Variants in GPD2 observed in about 807,000 individuals in gnomAD.
GPD2 encodes glycerol-3-phosphate dehydrogenase, mitochondrial.
Under a neutral mutation model 82.4 loss-of-function variants are expected in GPD2, and 54 were observed. That is an observed-to-expected ratio of 0.66 (90% CI 0.53 to 0.82). The LOEUF (loss-of-function observed/expected upper bound fraction) is 0.82. GPD2 is among the 40% of genes least tolerant of loss of function. The probability of loss-of-function intolerance (pLI) is 0.00; values close to 1 mark genes in which losing one functional copy is unlikely to be tolerated. For synonymous variants in GPD2, 288 were observed against 306.1 expected, an observed-to-expected ratio of 0.94 and a Z score of 0.62; for missense variants, 748 against 896.2, an observed-to-expected ratio of 0.83 and a Z score of 2.11.
chr2:156,427,951 A>G, the GPD2 span, among the ~76,000 whole-genome samples: 56 of 152,260 alleles, frequency 3.7e-4, no homozygotes, highest in African/African-American at 1.3e-3. Context: ...TCTGTCTTCT[A>G]TTCTGCTGTG....
intron 1 of GPD2, among the ~76,000 whole-genome samples, chr2:156,467,111 T>TC (rs1313558938): frequency 2.0e-5 from 3 of 152,126 alleles, no homozygotes; most frequent in Non-Finnish European, 4.4e-5. Context: ...TTTTTTTTTT[T>TC]CTCATTCTTC....
At chr2:156,417,154 GA>G in the GPD2 span, among the ~76,000 whole-genome samples, 3 of 152,076 alleles carry the variant, frequency 2.0e-5, no homozygotes, top group Non-Finnish European at 4.4e-5. Context: ...TTTAGTTCAG[GA>G]TTAAGGATTA....
the GPD2 span, among the ~76,000 whole-genome samples, chr2:156,411,560 C>T: frequency 6.6e-6 from 1 of 152,254 alleles, no homozygotes; most frequent in East Asian, 1.9e-4. Flanking sequence ...ATGTGATCCA[C>T]CCGCCTCAGC....
At chr2:156,463,646 G>T (rs565962061) in intron 1 of GPD2, among the ~76,000 whole-genome samples, 105 of 152,314 alleles carry the variant, frequency 6.9e-4, no homozygotes, top group African/African-American at 2.4e-3. Context: ...GAGCAAGTTA[G>T]TGGAAGAGAC....
the GPD2 span, among the ~76,000 whole-genome samples, chr2:156,423,647 T>C: frequency 6.6e-6 from 1 of 152,240 alleles, no homozygotes; most frequent in African/African-American, 2.4e-5. Context: ...TATTTATCTT[T>C]GTATTTTTAG....
At chr2:156,421,605 A>G in the GPD2 span, among the ~76,000 whole-genome samples, 1 of 152,186 alleles carries the variant, frequency 6.6e-6, no homozygotes, top group African/African-American at 2.4e-5. Context: ...TCAATCTTTT[A>G]TCTTAGATTA....
chr2:156,460,645 T>A lies in GPD2; in HGVS notation c.-8-15453T>A, dbSNP rs553745349. On this transcript the variant is annotated intron_variant, in intron 1 of 16. Coordinates refer to ENST00000438166, the MANE Select transcript of GPD2 (RefSeq NM_000408.5). ...CAAAATCAGTGCAAATTATAATGAG[T>A]TGTGGGGTGAGAAAAGTCACCTGGA... Among the ~76,000 whole-genome samples, 514 of 152,118 alleles carry A rather than the reference T, an allele frequency of 3.4e-3. 10 individuals carry two copies. The highest frequency in any genetic ancestry group is 0.012 in the African/African-American group (492 of 41,482).
chr2:156,510,295 A>G (rs534545798), intron 3 of GPD2, among the ~76,000 whole-genome samples: 2 of 151,944 alleles, frequency 1.3e-5, no homozygotes, highest in African/African-American at 2.4e-5. Context: ...CTACCATAAT[A>G]CCACTCCAGA....
chr2:156,448,370 G>T (rs1682443079), intron 1 of GPD2, among the ~76,000 whole-genome samples: 1 of 152,226 alleles, frequency 6.6e-6, no homozygotes, highest in African/African-American at 2.4e-5. Context: ...GCCTCCCAAA[G>T]TGCTGGGATG....
chr2:156,452,128 C>T (rs1230383491), intron 1 of GPD2, among the ~76,000 whole-genome samples: 3 of 151,700 alleles, frequency 2.0e-5, no homozygotes, highest in East Asian at 3.9e-4. Flanking sequence ...CAGGCAGAGA[C>T]GCTCCTCACT....
chr2:156,461,161 CTTTTTTTTTTTT>C (rs70987039), intron 1 of GPD2, among the ~76,000 whole-genome samples: 5 of 106,464 alleles, frequency 4.7e-5, no homozygotes, highest in Admixed American at 9.8e-5. Flanking sequence ...CTCTCTATCT[CTTTTTTTTTTTT>C]TTTTTTTTTT....
chr2:156,469,228 C>T (rs1683244623), intron 1 of GPD2, among the ~76,000 whole-genome samples: 1 of 152,138 alleles, frequency 6.6e-6, no homozygotes, highest in South Asian at 2.1e-4. Flanking sequence ...GGCGTGATCT[C>T]AGCTCACTGC....
chr2:156,465,858 A>G (rs1683135198), intron 1 of GPD2, among the ~76,000 whole-genome samples: 1 of 152,176 alleles, frequency 6.6e-6, no homozygotes, highest in Admixed American at 6.5e-5. Context: ...TTATCAATGA[A>G]TGTGTTTCAT....
intron 6 of GPD2, among the ~76,000 whole-genome samples, chr2:156,529,809 C>T (rs376492999): frequency 1.3e-5 from 2 of 151,472 alleles, no homozygotes; most frequent in African/African-American, 2.4e-5. Flanking sequence ...TCTCTGTTTT[C>T]GTACCAGTAC....
rs375108894 is a variant in GPD2 at position 156,583,871 on chromosome 2, C to T, written c.*953C>T. The T allele has an allele frequency of 1.8e-4, 28 of 152,476 alleles. No individual in the cohort carries two copies. The East Asian group carries it at 5.0e-3, about 27-fold the overall frequency. The allele number at this position is 152,476 out of a possible 1,614,324, so 9.4% of individuals were successfully genotyped here. Reference sequence around the variant, plus strand: ...GATAACAAAAGATTCAATTCCCAAGCCTAAATTTTGAAGCATGTGGTATTG... The same window carrying T: ...GATAACAAAAGATTCAATTCCCAAGTCTAAATTTTGAAGCATGTGGTATTG... On this transcript the variant is annotated 3_prime_UTR_variant, in exon 17 of 17. Coordinates refer to ENST00000438166, the MANE Select transcript of GPD2 (RefSeq NM_000408.5).
At chr2:156,568,263 C>T (rs904593638) in intron 9 of GPD2, among the ~76,000 whole-genome samples, 2 of 151,956 alleles carry the variant, frequency 1.3e-5, no homozygotes, top group African/African-American at 4.8e-5. Flanking sequence ...TGCTATAGGG[C>T]TTTGTGAGAT....
At chr2:156,451,589 C>T (rs928496820) in intron 1 of GPD2, among the ~76,000 whole-genome samples, 2 of 144,494 alleles carry the variant, frequency 1.4e-5, no homozygotes, top group East Asian at 2.1e-4. Flanking sequence ...ACCTCCTTCC[C>T]GGACAGGGCG....
chr2:156,452,131 T>C (rs1030750966), intron 1 of GPD2, among the ~76,000 whole-genome samples: 4 of 151,696 alleles, frequency 2.6e-5, no homozygotes, highest in African/African-American at 4.9e-5. Context: ...GCAGAGACGC[T>C]CCTCACTTCC....
rs562990156 is a variant in GPD2 at position 156,539,323 on chromosome 2, C to T, written c.662-10285C>T. On this transcript the variant is annotated intron_variant, in intron 6 of 16. Coordinates refer to ENST00000438166, the MANE Select transcript of GPD2 (RefSeq NM_000408.5). ...AAACAGACTCTGATGAGGAAAGGGA[C>T]GTCCCCAGAACCTGAGTTAGTGGCT... 4.3e-4 allele frequency among the ~76,000 whole-genome samples: 66 copies of T among 152,226 alleles called. 1 individual carries two copies. The South Asian group carries it at 0.012, about 28-fold the overall frequency.
Sources: allele counts gnomAD v4.1 joint callset (sites outside exome capture counted in the v4.1 genomes callset), GRCh38; gene constraint gnomAD v4.1.1; transcripts MANE v1.5; gene names NCBI Gene and HGNC (gene_info 2026-07-23, HGNC 2026-07-21).